The following KLHL22 variants were observed in gnomAD, a reference collection of about 807,000 sequenced individuals.
KLHL22 encodes kelch-like protein 22.
In KLHL22, 18 loss-of-function variants were observed where a neutral mutation model predicts 60.7. The ratio of observed to expected loss-of-function variants is 0.30; its 90% CI spans 0.20 to 0.44. KLHL22 has a LOEUF of 0.44. KLHL22 is among the 20% of genes least tolerant of loss of function. The probability of loss-of-function intolerance (pLI) is 1.00; values close to 1 mark genes in which losing one functional copy is unlikely to be tolerated. For missense variants in KLHL22, 596 were observed against 852.3 expected (o/e 0.70, Z 3.74); for synonymous variants, 355 against 354.5 (o/e 1.00, Z -0.01).
intron 1 of KLHL22, among the ~76,000 whole-genome samples, chr22:20,490,560 A>G (rs927213288): frequency 2.6e-5 from 4 of 152,234 alleles, no homozygotes; most frequent in African/African-American, 9.6e-5. Flanking sequence ...CACAGATACC[A>G]GCTGGGTGTC....
intron 3 of KLHL22, among the ~76,000 whole-genome samples, chr22:20,468,966 A>G (rs1376552335): frequency 6.6e-6 from 1 of 152,170 alleles, no homozygotes; most frequent in East Asian, 1.9e-4. Context: ...CAGAAGCCTG[A>G]TATGTTAAAA....
rs1601402822 is a variant in KLHL22, at chr22:20,495,750, C to T, written c.-34+10G>A. On this transcript the variant is annotated intron_variant, in intron 1 of 6. Transcript: ENST00000328879. The surrounding 1 kb of genome is among the most constrained non-coding windows in gnomAD (Gnocchi z 4.6). The stretch of plus-strand genomic sequence containing the variant: ...CGCCCGGCCCGTTCGGCTCACGCCT[C>T]GCAGCTGACCTGGTGCCGCCGCCAG... The T allele has an allele frequency of 1.3e-5, 2 of 151,256 alleles. No homozygotes were observed. The highest frequency in any genetic ancestry group is 1.9e-4 in the East Asian group (1 of 5,194). The allele number at this position is 151,256 out of a possible 1,614,324, so 9.4% of individuals were successfully genotyped here.
chr22:20,457,512 C>G (rs1291022066), intron 5 of KLHL22, among the ~76,000 whole-genome samples: 2 of 152,156 alleles, frequency 1.3e-5, no homozygotes, highest in Non-Finnish European at 2.9e-5. Context: ...AAGGTTTAAG[C>G]AGCTTGCCAG....
At chr22:20,489,301 AC>A in intron 1 of KLHL22, 57 bp from the exon 2 acceptor site, 3 of 1,294,664 alleles carry the variant, frequency 2.3e-6, no homozygotes, top group Non-Finnish European at 3.3e-6. Flanking sequence ...GCCCCACCAC[AC>A]ACAGACTGGC....
chr22:20,450,402 C>A (rs533533831), intron 5 of KLHL22: 8 of 1,478,994 alleles, frequency 5.4e-6, no homozygotes, highest in Non-Finnish European at 7.6e-6. Context: ...TACACGGAAA[C>A]AGTACATGTG....
intron 1 of KLHL22, 130 bp from the exon 2 acceptor site, chr22:20,489,374 C>G: frequency 1.5e-6 from 1 of 685,258 alleles, no homozygotes; most frequent in South Asian, 1.8e-5. Context: ...CCCTCTATTT[C>G]CAAATCCCCT....
intron 3 of KLHL22, among the ~76,000 whole-genome samples, chr22:20,470,197 A>G (rs1039159994): frequency 1.3e-5 from 2 of 151,704 alleles, no homozygotes; most frequent in African/African-American, 4.8e-5. Flanking sequence ...TATATATATA[A>G]TATCAGCTAG....
intron 2 of KLHL22, among the ~76,000 whole-genome samples, chr22:20,477,297 A>G (rs1451790341): frequency 6.6e-6 from 1 of 152,000 alleles, no homozygotes; most frequent in Non-Finnish European, 1.5e-5. Flanking sequence ...TGGTTGAGGC[A>G]TGAGAATCAC....
chr22:20,494,500 C>T (rs1193965276), intron 1 of KLHL22, among the ~76,000 whole-genome samples: 1 of 152,182 alleles, frequency 6.6e-6, no homozygotes, highest in Non-Finnish European at 1.5e-5. Flanking sequence ...CCTACCTCAG[C>T]CTCCCGAGTA....
At chr22:20,486,226 A>G (rs995195151) in intron 2 of KLHL22, among the ~76,000 whole-genome samples, 3 of 151,962 alleles carry the variant, frequency 2.0e-5, no homozygotes, top group African/African-American at 7.2e-5. Context: ...ACAATGCAGT[A>G]AACAGAAGAA....
rs1284414289 is a variant in KLHL22 at position 20,442,407 on chromosome 22, C to T, written c.1571G>A (p.Trp524Ter). ...AGCAGGGAGTGGGCAGACAGATGAC[C>T]ACTGTCCAGACGTGCAGCTGTAGCA... ...VACYSCTSGQ[W>*]SSVCPLPAGH... Residue 524 changes from tryptophan to a stop codon, truncating the protein, a stop_gained, in exon 7 of 7, where the codon TGG becomes TAG. Transcript: ENST00000328879. LOFTEE classifies it high-confidence loss of function. 1 of 1,610,714 alleles carries T rather than the reference C, an allele frequency of 6.2e-7. No homozygotes were observed. Among genetic ancestry groups the T allele is most frequent in the Non-Finnish European group, 8.5e-7 (1 of 1,178,182 alleles).
intron 3 of KLHL22, among the ~76,000 whole-genome samples, chr22:20,466,331 G>C (rs552985802): frequency 4.2e-5 from 6 of 142,410 alleles, no homozygotes; most frequent in African/African-American, 1.6e-4. Flanking sequence ...CCGAGATCGC[G>C]CCATTGCACT....
intron 4 of KLHL22, among the ~76,000 whole-genome samples, chr22:20,461,319 T>C (rs1365265391): frequency 1.3e-5 from 2 of 151,796 alleles, no homozygotes; most frequent in African/African-American, 2.4e-5. Context: ...TTTGGGAGGC[T>C]AAGGCGGGAG....
At position 20,442,306 on chromosome 22, in the gene KLHL22, T is replaced by C; in HGVS notation, c.1672A>G (p.Ser558Gly). The change falls in exon 7 of 7, where the codon AGC (serine) becomes GGC (glycine). Residue 558 changes from serine to glycine, a missense_variant. Coordinates refer to ENST00000328879, the MANE Select transcript of KLHL22 (RefSeq NM_032775.4). ...VLGGRSHNRG[S>G]RTGYVHIYDV... ...TAAATGTGCACGTAGCCTGTGCGGC[T>C]GCCGCGGTTGTGTGAGCGGCCACCT... The C allele has an allele frequency of 2.8e-5, 45 of 1,613,994 alleles. No homozygotes were observed. Among genetic ancestry groups the C allele is most frequent in the Non-Finnish European group, 3.7e-5 (44 of 1,180,024 alleles).
At chr22:20,467,505 G>T (rs1207538621) in intron 3 of KLHL22, among the ~76,000 whole-genome samples, 1 of 152,096 alleles carries the variant, frequency 6.6e-6, no homozygotes, top group Non-Finnish European at 1.5e-5. Context: ...GGATGCTGTG[G>T]GGTCCCCTCT....
At chr22:20,454,328 C>CA (rs1569125910) in intron 5 of KLHL22, among the ~76,000 whole-genome samples, 1 of 149,570 alleles carries the variant, frequency 6.7e-6, no homozygotes, top group Admixed American at 6.7e-5. Context: ...GACTCTGTCT[C>CA]AAAAAAAATA....
At chr22:20,458,235 GTTTCC>G (rs2053095358) in intron 4 of KLHL22, among the ~76,000 whole-genome samples, 1 of 145,926 alleles carries the variant, frequency 6.9e-6, no homozygotes, top group South Asian at 2.1e-4. Context: ...AGCCTCCTGT[GTTTCC>G]ACCTAACTGT....
chr22:20,474,444 A>G (rs2053377159), intron 2 of KLHL22, among the ~76,000 whole-genome samples: 1 of 149,500 alleles, frequency 6.7e-6, no homozygotes, highest in Admixed American at 6.7e-5. Flanking sequence ...CAGGCTGGAG[A>G]GCAATGGTGC....
chr22:20,483,933 A>T, intron 2 of KLHL22: 1 of 679,212 alleles, frequency 1.5e-6, no homozygotes, highest in South Asian at 1.5e-5. Context: ...CCCAGACCCC[A>T]TGCAGCCCTG....
Sources: allele counts gnomAD v4.1 joint callset (sites outside exome capture counted in the v4.1 genomes callset), GRCh38; gene constraint gnomAD v4.1.1; non-coding constraint Gnocchi (gnomAD v3.1); transcripts MANE v1.5; gene names NCBI Gene and HGNC (gene_info 2026-07-23, HGNC 2026-07-21).